FBXO15: variants seen among roughly 807,000 people sequenced by gnomAD.
FBXO15 encodes the protein F-box only protein 15.
A neutral mutation model predicts 49.5 loss-of-function variants in FBXO15; 30 were observed. The ratio of observed to expected loss-of-function variants is 0.61; its 90% confidence interval spans 0.45 to 0.82. The LOEUF is 0.82. Ranked by LOEUF, FBXO15 falls within the 40% of genes least tolerant of loss-of-function variation. The probability of loss-of-function intolerance (pLI) is 0.00; values close to 1 mark genes in which losing one functional copy is unlikely to be tolerated. For synonymous variants in FBXO15, 250 were observed against 232.7 expected (o/e 1.07, Z -0.68); for missense variants, 591 against 631.5 (o/e 0.94, Z 0.69).
rs111278296 is a variant in FBXO15, at chr18:74,075,157, C to T, written c.1264-1427G>A. On this transcript the variant is annotated intron_variant, in intron 9 of 9. Transcript: ENST00000419743. This position sits in a 1 kb window ranked among gnomAD's most constrained non-coding sequence, Gnocchi z 4.1. ...CTGGCTCTCTGGGTGGCTCCCTCTCCGCCTCATGGAACAACACCTCATCCC... is the reference window on the plus strand; with the variant it reads ...CTGGCTCTCTGGGTGGCTCCCTCTCTGCCTCATGGAACAACACCTCATCCC... 3.1e-3 allele frequency among the ~76,000 whole-genome samples: 476 copies of T among 152,334 alleles called. 3 individuals carry two copies. The highest frequency in any genetic ancestry group is 0.011 in the African/African-American group (456 of 41,584).
chr18:74,119,651 GC>G (rs1289007259), intron 8 of FBXO15, among the ~76,000 whole-genome samples: 3 of 152,120 alleles, frequency 2.0e-5, no homozygotes, highest in Non-Finnish European at 4.4e-5. Context: ...AACACTGCAG[GC>G]AGGAGGGGCA....
chr18:74,142,597 T>A (rs1181835023), intron 1 of FBXO15, among the ~76,000 whole-genome samples: 1 of 152,160 alleles, frequency 6.6e-6, no homozygotes, highest in Non-Finnish European at 1.5e-5. Flanking sequence ...TCAGCATAAC[T>A]CTAATCTCTG....
rs775840484 is a variant in FBXO15 at position 74,124,570 on chromosome 18, T to C, written c.914A>G (p.Lys305Arg). The stretch of plus-strand genomic sequence containing the variant: ...CATAACAAAAGCCAGTTCTTCCTCC[T>C]TCTGAAAAGTTAATTGAGAAGAATA... Reference protein sequence around the residue: ...HPGLLVGVWKKEEELAFVMAN... With the variant: ...HPGLLVGVWKREEELAFVMAN... The change falls in exon 7 of 10, where the codon AAG (lysine) becomes AGG (arginine). Residue 305 changes from lysine (K) to arginine (R), a missense_variant and splice_region_variant. Coordinates refer to ENST00000419743, the MANE Select transcript of FBXO15 (RefSeq NM_001142958.2). The C allele has an allele frequency of 1.9e-6, 3 of 1,613,758 alleles. No homozygotes were observed.
intron 2 of FBXO15, 116 bp from the exon 3 acceptor site, chr18:74,135,982 C>T (rs1387855758): frequency 1.4e-5 from 10 of 715,782 alleles, no homozygotes; most frequent in Non-Finnish European, 2.3e-5. Flanking sequence ...AGAGAGACCC[C>T]TCCTGTACAA....
At chr18:74,078,329 G>A (rs570203581) in intron 9 of FBXO15, among the ~76,000 whole-genome samples, 11 of 142,648 alleles carry the variant, frequency 7.7e-5, no homozygotes, top group African/African-American at 2.7e-4. Context: ...GGGTTTCAAG[G>A]CCCCCCCCCG....
intron 3 of FBXO15, 171 bp from the exon 4 acceptor site, chr18:74,130,829 A>T: frequency 1.4e-6 from 1 of 711,866 alleles, no homozygotes; most frequent in Non-Finnish European, 2.2e-6. Context: ...TTTGAGATTT[A>T]GTGTTTTAAA....
intron 7 of FBXO15, among the ~76,000 whole-genome samples, chr18:74,123,717 A>G (rs1186259440): frequency 1.3e-5 from 2 of 152,140 alleles, no homozygotes; most frequent in Non-Finnish European, 1.5e-5. Flanking sequence ...AAAACAGGCA[A>G]TGATGTGAGT....
chr18:74,099,589 G>A (rs940667142), intron 8 of FBXO15: 17 of 152,102 alleles, frequency 1.1e-4, no homozygotes, highest in African/African-American at 4.1e-4. Flanking sequence ...AACATTGAAT[G>A]TGGCCTAAAT....
chr18:74,091,425 T>C (rs1282984099), intron 8 of FBXO15, among the ~76,000 whole-genome samples: 3 of 152,198 alleles, frequency 2.0e-5, no homozygotes. Context: ...TCTAGATTTG[T>C]TGCTGTCATC....
At chr18:74,094,648 T>A (rs1168801782) in intron 8 of FBXO15, among the ~76,000 whole-genome samples, 2 of 152,232 alleles carry the variant, frequency 1.3e-5, no homozygotes. Flanking sequence ...TCATCTCGGC[T>A]GTGTTGTCTC....
chr18:74,092,743 C>T (rs770392062), intron 8 of FBXO15, among the ~76,000 whole-genome samples: 1 of 152,166 alleles, frequency 6.6e-6, no homozygotes, highest in Non-Finnish European at 1.5e-5. Context: ...AGGATGGAAA[C>T]CTGCTGTGTC....
In FBXO15 at chr18:74,147,701, C is replaced by G; in HGVS notation, c.85G>C (p.Ala29Pro). The change falls in exon 1 of 10, where the codon GCC (alanine) becomes CCC (proline). Residue 29 changes from alanine (A) to proline (P), a missense_variant. Ala to Pro is a conservative substitution (Grantham distance 27). Transcript: ENST00000419743. The stretch of plus-strand genomic sequence containing the variant: ...CCAAAGGCCCTGGCGCGCCCCCGGG[C>G]CGCGCCACCGCCCCTGCTGGGCCCG... The part of the protein sequence containing the change: ...LRGPSRGGGA[A>P]RGRARAFGCR... 6.6e-7 allele frequency: 1 copy of G among 1,521,096 alleles called. No individual in the cohort carries two copies. The highest frequency in any genetic ancestry group is 1.4e-5 in the African/African-American group (1 of 71,072). 94.2% of individuals were successfully genotyped at this position (1,521,096 alleles called of 1,614,324 possible).
intron 1 of FBXO15, among the ~76,000 whole-genome samples, chr18:74,144,680 GTAT>G (rs2145235132): frequency 6.6e-6 from 1 of 152,294 alleles, no homozygotes; most frequent in South Asian, 2.1e-4. Flanking sequence ...TCATAAAAAT[GTAT>G]TATATTATTT....
chr18:74,115,109 C>T (rs947153049), intron 8 of FBXO15, among the ~76,000 whole-genome samples: 10 of 152,182 alleles, frequency 6.6e-5, no homozygotes, highest in African/African-American at 2.4e-4. Flanking sequence ...TCTGAAAGGA[C>T]AACAGAGGAA....
At chr18:74,104,233 A>T (rs1051349205) in intron 8 of FBXO15, among the ~76,000 whole-genome samples, 3 of 152,120 alleles carry the variant, frequency 2.0e-5, no homozygotes, top group African/African-American at 7.2e-5. Context: ...AACTTGTTAT[A>T]TCTATAAGAT....
At chr18:74,119,465 G>T (rs1441199540) in intron 8 of FBXO15, among the ~76,000 whole-genome samples, 1 of 152,154 alleles carries the variant, frequency 6.6e-6, no homozygotes, top group Non-Finnish European at 1.5e-5. Flanking sequence ...ACCTAAATAA[G>T]TAAACTCAGT....
intron 3 of FBXO15, among the ~76,000 whole-genome samples, chr18:74,133,606 G>A (rs1978531000): frequency 6.6e-6 from 1 of 152,124 alleles, no homozygotes; most frequent in South Asian, 2.1e-4. Flanking sequence ...TTGCTACAAA[G>A]GAATACTTGA....
Position 74,147,697 on chromosome 18 carries a change from C to T in FBXO15, c.89G>A (p.Arg30Gln), listed in dbSNP as rs1239156230. 18 of 1,513,150 alleles carry T rather than the reference C, an allele frequency of 1.2e-5. No homozygotes were observed. Among genetic ancestry groups the T allele is most frequent in the Admixed American group, 2.1e-5 (1 of 47,694 alleles). 93.7% of individuals were successfully genotyped at this position (1,513,150 alleles called of 1,614,324 possible). Residue 30 changes from arginine (R) to glutamine (Q), a missense_variant, in exon 1 of 10, where the codon CGG becomes CAG. Physicochemically the swap from Arg to Gln is conservative, Grantham distance 43. Coordinates refer to ENST00000419743, the MANE Select transcript of FBXO15 (RefSeq NM_001142958.2). ...GCACCCAAAGGCCCTGGCGCGCCCC[C>T]GGGCCGCGCCACCGCCCCTGCTGGG... Reference protein sequence around the residue: ...RGPSRGGGAARGRARAFGCRK... With the variant: ...RGPSRGGGAAQGRARAFGCRK...
At chr18:74,135,641 TTGTG>T (rs1978668579) in intron 3 of FBXO15, 117 bp downstream of exon 3, 5 of 728,810 alleles carry the variant, frequency 6.9e-6, no homozygotes, top group Non-Finnish European at 1.1e-5. Flanking sequence ...ACATTTCCAC[TTGTG>T]TGTAAAAATA....
Sources: gnomAD v4.1 joint callset for allele counts (sites outside exome capture counted in the v4.1 genomes callset) on GRCh38, gnomAD v4.1.1 for gene constraint, Gnocchi (gnomAD v3.1) non-coding constraint, MANE v1.5 for transcripts, NCBI Gene and HGNC (gene_info 2026-07-23, HGNC 2026-07-21) for gene names.